The following RAB11FIP1 variants were observed in gnomAD, a reference collection of about 807,000 sequenced individuals.
RAB11FIP1 encodes RAB11 family interacting protein 1, also known as rab11 family-interacting protein 1.
Under a neutral mutation model 83.1 loss-of-function variants are expected in RAB11FIP1, and 49 were observed. The ratio of observed to expected loss-of-function variants is 0.59; its 90% CI spans 0.47 to 0.75. The LOEUF (loss-of-function observed/expected upper bound fraction) is 0.75. Among genes scored for constraint, RAB11FIP1 ranks in the 30% least tolerant of loss-of-function variants. The pLI, the probability that RAB11FIP1 is intolerant of heterozygous loss-of-function variation, is 0.00. For synonymous variants in RAB11FIP1, 670 were observed against 656.0 expected, an observed-to-expected ratio of 1.02 and a Z score of -0.33; for missense variants, 1,536 against 1,598.7, an observed-to-expected ratio of 0.96 and a Z score of 0.67.
At chr8:37,884,871 T>C (rs369349645) in intron 1 of RAB11FIP1, among the ~76,000 whole-genome samples, 2 of 151,196 alleles carry the variant, frequency 1.3e-5, no homozygotes, top group South Asian at 2.1e-4. Flanking sequence ...GTTTTAGAGA[T>C]AGGGTCTTGC....
intron 1 of RAB11FIP1, among the ~76,000 whole-genome samples, chr8:37,880,266 T>C (rs1806706871): frequency 6.6e-6 from 1 of 151,984 alleles, no homozygotes; most frequent in Non-Finnish European, 1.5e-5. Context: ...GAGACCAGTA[T>C]AGGCAACAAG....
intron 3 of RAB11FIP1, among the ~76,000 whole-genome samples, chr8:37,873,869 A>C (rs373283755): frequency 7.0e-6 from 1 of 143,060 alleles, no homozygotes; most frequent in Non-Finnish European, 1.5e-5. Context: ...ATGTGTGTGT[A>C]TATGTGTGTG....
Position 37,874,942 on chromosome 8 carries a change from G to C in RAB11FIP1, c.1195C>G (p.Arg399Gly), listed in dbSNP as rs758184571. Residue 399 changes from arginine (R) to glycine (G), a missense_variant, in exon 3 of 6, where the codon CGA becomes GGA. By Grantham distance (125) the Arg-to-Gly change is moderately radical. Transcript: ENST00000330843. ...SLKSMTLPSYRPAPLVSGDLR... is the reference protein window; with the variant it reads ...SLKSMTLPSYGPAPLVSGDLR... The stretch of plus-strand genomic sequence containing the variant: ...TCCCCACTGACCAGTGGGGCAGGTC[G>C]GTAGGACGGCAGGGTCATAGACTTC... The C allele has an allele frequency of 2.5e-6, 4 of 1,614,044 alleles. No homozygotes were observed.
intron 1 of RAB11FIP1, among the ~76,000 whole-genome samples, chr8:37,889,938 C>A (rs888157851): frequency 6.6e-6 from 1 of 152,138 alleles, no homozygotes; most frequent in Non-Finnish European, 1.5e-5. Flanking sequence ...TGCCCGCCAC[C>A]ATACCTGGCT....
At chr8:37,879,994 C>A (rs1404475189) in intron 1 of RAB11FIP1, among the ~76,000 whole-genome samples, 1 of 152,156 alleles carries the variant, frequency 6.6e-6, no homozygotes, top group East Asian at 1.9e-4. Context: ...CAGAAAAAGT[C>A]ACATTTCAAA....
intron 1 of RAB11FIP1, among the ~76,000 whole-genome samples, chr8:37,878,980 AAAAT>A (rs1358338727): frequency 1.3e-5 from 2 of 152,162 alleles, no homozygotes; most frequent in Non-Finnish European, 2.9e-5. Flanking sequence ...TCTGTTTCTA[AAAAT>A]AAATAAATAA....
intron 1 of RAB11FIP1, among the ~76,000 whole-genome samples, chr8:37,885,013 G>A: frequency 9.3e-6 from 1 of 107,656 alleles, no homozygotes; most frequent in East Asian, 2.7e-4. Context: ...TTTTTTTTTT[G>A]AGATGGAGTC....
At chr8:37,875,820 A>T (rs1349070978) in intron 2 of RAB11FIP1, among the ~76,000 whole-genome samples, 1 of 152,132 alleles carries the variant, frequency 6.6e-6, no homozygotes, top group Non-Finnish European at 1.5e-5. Context: ...AAAAAAAGAA[A>T]AAAAAAACTT....
chr8:37,864,171 G>A (rs964987563), intron 5 of RAB11FIP1, among the ~76,000 whole-genome samples: 2 of 152,326 alleles, frequency 1.3e-5, no homozygotes, highest in African/African-American at 4.8e-5. Flanking sequence ...GGTACACAGC[G>A]GCCTGTCCCA....
At chr8:37,863,642 C>G (rs1345404532) in intron 5 of RAB11FIP1, among the ~76,000 whole-genome samples, 4 of 152,186 alleles carry the variant, frequency 2.6e-5, no homozygotes, top group African/African-American at 9.7e-5. Context: ...CCTTTGCGGG[C>G]CACAGACAGC....
At chr8:37,897,634 G>A (rs1807115782) in intron 1 of RAB11FIP1, among the ~76,000 whole-genome samples, 1 of 151,922 alleles carries the variant, frequency 6.6e-6, no homozygotes, top group South Asian at 2.1e-4. Context: ...ATCTTTGGGA[G>A]CTACAGGCGA....
At chr8:37,876,645 A>ATT (rs112409356) in intron 2 of RAB11FIP1, among the ~76,000 whole-genome samples, 1 of 141,224 alleles carries the variant, frequency 7.1e-6, no homozygotes, top group Non-Finnish European at 1.6e-5. Flanking sequence ...CAGAGAGGGC[A>ATT]TTTTTTTTTT....
chr8:37,895,073 T>TG (rs1807037037), intron 1 of RAB11FIP1, among the ~76,000 whole-genome samples: 1 of 145,084 alleles, frequency 6.9e-6, no homozygotes, highest in Non-Finnish European at 1.5e-5. Context: ...TATATATGTT[T>TG]TTTTTTTTTA....
At chr8:37,868,468 T>C (rs1299934727) in intron 5 of RAB11FIP1, among the ~76,000 whole-genome samples, 1 of 151,262 alleles carries the variant, frequency 6.6e-6, no homozygotes, top group Non-Finnish European at 1.5e-5. Flanking sequence ...CCGGAGTCCA[T>C]GGGACTGTAA....
intron 4 of RAB11FIP1, chr8:37,870,921 G>A (rs113286071): frequency 0.012 from 3,588 of 291,592 alleles, 116 homozygotes; most frequent in African/African-American, 0.073. Context: ...CAAGCTTCAC[G>A]TTGGGGAGTG....
At chr8:37,889,826 C>A (rs899523161) in intron 1 of RAB11FIP1, among the ~76,000 whole-genome samples, 1 of 152,078 alleles carries the variant, frequency 6.6e-6, no homozygotes, top group African/African-American at 2.4e-5. Context: ...CAGAGTCACC[C>A]GGGCTGGAGT....
chr8:37,865,697 A>G (rs1806328849), intron 5 of RAB11FIP1, among the ~76,000 whole-genome samples: 1 of 152,246 alleles, frequency 6.6e-6, no homozygotes, highest in East Asian at 1.9e-4. Context: ...TTACTATTTA[A>G]TAAGCATTTT....
intron 5 of RAB11FIP1, among the ~76,000 whole-genome samples, chr8:37,865,259 G>A (rs979012761): frequency 6.6e-5 from 10 of 151,616 alleles, no homozygotes; most frequent in African/African-American, 2.2e-4. Context: ...CCTGTAGGGT[G>A]TCATATAATT....
intron 4 of RAB11FIP1, chr8:37,870,845 C>T (rs1057238961): frequency 5.5e-5 from 17 of 306,698 alleles, no homozygotes; most frequent in African/African-American, 3.0e-4. Flanking sequence ...AGAGCCTAGG[C>T]ATTCACTGTA....
Sources: gnomAD v4.1 joint callset for allele counts (sites outside exome capture counted in the v4.1 genomes callset) on GRCh38, gnomAD v4.1.1 for gene constraint, MANE v1.5 for transcripts, NCBI Gene and HGNC (gene_info 2026-07-23, HGNC 2026-07-21) for gene names.